LINGO1: variants seen among roughly 807,000 people sequenced by gnomAD.
LINGO1 encodes leucine rich repeat and Ig domain containing 1, also known as leucine-rich repeat and immunoglobulin-like domain-containing nogo receptor-interacting protein 1.
Under a neutral mutation model 37.3 loss-of-function variants are expected in LINGO1, and 11 were observed. The ratio of observed to expected loss-of-function variants is 0.29; its 90% CI spans 0.19 to 0.49. The LOEUF is 0.49. LINGO1 is among the 20% of genes least tolerant of loss of function. The pLI is 0.99. For synonymous variants in LINGO1, 387 were observed against 403.0 expected, an observed-to-expected ratio of 0.96 and a Z score of 0.48; for missense variants, 585 against 878.2, an observed-to-expected ratio of 0.67 and a Z score of 4.22.
intron 3 of LINGO1, among the ~76,000 whole-genome samples, chr15:77,664,219 G>A (rs1025916467): frequency 1.3e-5 from 2 of 151,866 alleles, no homozygotes; most frequent in South Asian, 2.1e-4. Context: ...CGGAGGGGTG[G>A]AAAGGGAGGA....
intron 1 of LINGO1, among the ~76,000 whole-genome samples, chr15:77,756,822 GT>G (rs1567566245): frequency 6.6e-6 from 1 of 152,148 alleles, no homozygotes; most frequent in Non-Finnish European, 1.5e-5. Flanking sequence ...GGCACTGAAT[GT>G]CCCCACGTAT....
At chr15:77,758,769 C>T (rs984515253) in intron 1 of LINGO1, among the ~76,000 whole-genome samples, 1 of 151,978 alleles carries the variant, frequency 6.6e-6, no homozygotes, top group Admixed American at 6.6e-5. Context: ...TCAGATGGGG[C>T]CACCATCTAT....
At chr15:77,745,299 G>A (rs1002712967) in intron 1 of LINGO1, among the ~76,000 whole-genome samples, 3 of 150,826 alleles carry the variant, frequency 2.0e-5, no homozygotes, top group Non-Finnish European at 4.4e-5. Context: ...GGTGGTGGGC[G>A]CTTGTAGTCC....
rs1555527601 is a variant in LINGO1, at chr15:77,664,174, C to CGCGCGCGCGCGCGCGT, written c.-13+12914_-13+12915insACGCGCGCGCGCGCGC. Among the ~76,000 whole-genome samples the CGCGCGCGCGCGCGCGT allele has an allele frequency of 2.9e-3, 291 of 100,442 alleles. 6 individuals carry two copies. Among genetic ancestry groups the CGCGCGCGCGCGCGCGT allele is most frequent in the African/African-American group, 9.5e-3 (260 of 27,260 alleles). The allele number at this position is 100,442 out of a possible 152,430, so 65.9% of individuals were successfully genotyped here. On this transcript the variant is annotated intron_variant, in intron 3 of 3. Transcript: ENST00000559893. Reference sequence around the variant, plus strand: ...GTGTGTGTGTGTGTGTGTGTGTGCGCGCGCGCATGCGTTTGCATTCTCAGC... The same window carrying CGCGCGCGCGCGCGCGT: ...GTGTGTGTGTGTGTGTGTGTGTGCGCGCGCGCGCGCGCGCGTGCGCGCATGCGTTTGCATTCTCAGC...
In LINGO1 at chr15:77,740,291, G is replaced by A. The variant is rs565352551; in HGVS notation, c.-256-5238C>T. Reference sequence around the variant, plus strand: ...ATGGGAAGGGTCTGCTCCCAGGAGTGTGCCATCCAATTAGAGCCTCTCCCC... The same window carrying A: ...ATGGGAAGGGTCTGCTCCCAGGAGTATGCCATCCAATTAGAGCCTCTCCCC... On this transcript the variant is annotated intron_variant, in intron 1 of 3. Transcript: ENST00000561686. Among the ~76,000 whole-genome samples the A allele has an allele frequency of 1.9e-3, 285 of 152,324 alleles. 1 individual carries two copies. The highest frequency in any genetic ancestry group is 6.2e-3 in the African/African-American group (256 of 41,576).
At chr15:77,760,916 C>CTT (rs34524098) in intron 1 of LINGO1, among the ~76,000 whole-genome samples, 8,092 of 95,970 alleles carry the variant, frequency 0.084, 1,411 homozygotes, top group African/African-American at 0.098. Flanking sequence ...TAATAAGTAT[C>CTT]TTTTTTTTTT....
intron 2 of LINGO1, among the ~76,000 whole-genome samples, chr15:77,713,447 T>C (rs983338825): frequency 6.6e-6 from 1 of 151,796 alleles, no homozygotes; most frequent in African/African-American, 2.4e-5. Context: ...GTAACACTCA[T>C]GAAATAACAA....
At chr15:77,811,065 A>G (rs1369149026) in intron 1 of LINGO1, among the ~76,000 whole-genome samples, 1 of 114,028 alleles carries the variant, frequency 8.8e-6, no homozygotes, top group Non-Finnish European at 1.8e-5. Context: ...CAAGCCCCCA[A>G]CACCCCCCCA....
At chr15:77,683,837 A>T (rs1596103541) in intron 2 of LINGO1, among the ~76,000 whole-genome samples, 1 of 650 alleles carries the variant, frequency 1.5e-3, no homozygotes, top group African/African-American at 7.0e-3. Context: ...CTTTTATGGT[A>T]AAAAAAAAAA....
chr15:77,748,909 C>CTCT (rs1248978105), intron 1 of LINGO1, among the ~76,000 whole-genome samples: 1,627 of 87,796 alleles, frequency 0.019, 63 homozygotes, highest in African/African-American at 0.065. Flanking sequence ...CCTTCCTTCT[C>CTCT]TTTTTTTTTT....
chr15:77,639,711 A>G (rs1243191355), intron 3 of LINGO1, among the ~76,000 whole-genome samples: 4 of 152,354 alleles, frequency 2.6e-5, no homozygotes, highest in Middle Eastern at 3.4e-3. Flanking sequence ...AGGAAAAAAC[A>G]TATGTACAAG....
intron 2 of LINGO1, among the ~76,000 whole-genome samples, chr15:77,733,392 CCA>C (rs2076172131): frequency 6.6e-6 from 1 of 152,274 alleles, no homozygotes; most frequent in South Asian, 2.1e-4. Flanking sequence ...GCTGCCTGGT[CCA>C]CACACACATC....
At chr15:77,753,524 C>G (rs2076391170) in intron 1 of LINGO1, among the ~76,000 whole-genome samples, 1 of 152,126 alleles carries the variant, frequency 6.6e-6, no homozygotes, top group South Asian at 2.1e-4. Flanking sequence ...GTCATGGAGA[C>G]AGAGGACTGG....
intron 1 of LINGO1, among the ~76,000 whole-genome samples, chr15:77,776,498 C>G (rs546487027): frequency 5.9e-4 from 36 of 61,032 alleles, no homozygotes; most frequent in African/African-American, 1.2e-3. Context: ...AGCAGGAAGG[C>G]AGGAAGGCAG....
At chr15:77,774,834 G>A (rs765313671) in intron 1 of LINGO1, among the ~76,000 whole-genome samples, 1 of 152,188 alleles carries the variant, frequency 6.6e-6, no homozygotes, top group Admixed American at 6.5e-5. Context: ...GTACAGAGAA[G>A]AGTGCCCAAA....
At chr15:77,645,924 C>T (rs1007589344) in intron 3 of LINGO1, among the ~76,000 whole-genome samples, 1 of 152,240 alleles carries the variant, frequency 6.6e-6, no homozygotes, top group Non-Finnish European at 1.5e-5. Flanking sequence ...CTGGGGGTGC[C>T]AGGTGGCCTC....
At chr15:77,748,168 C>T (rs542123286) in intron 1 of LINGO1, among the ~76,000 whole-genome samples, 6 of 152,346 alleles carry the variant, frequency 3.9e-5, no homozygotes, top group Non-Finnish European at 7.4e-5. Context: ...CGGGTGTGAA[C>T]ACCAGGACTA....
chr15:77,749,245 C>G (rs2076347403), intron 1 of LINGO1, among the ~76,000 whole-genome samples: 2 of 152,046 alleles, frequency 1.3e-5, no homozygotes, highest in Non-Finnish European at 2.9e-5. Flanking sequence ...AGAGAGAGGT[C>G]TGAGCCCAGC....
chr15:77,691,434 T>A (rs1371316265), intron 1 of LINGO1, among the ~76,000 whole-genome samples: 1 of 152,150 alleles, frequency 6.6e-6, no homozygotes, highest in Non-Finnish European at 1.5e-5. Flanking sequence ...TCCCATCATG[T>A]TCATCGCCAG....
Sources: allele counts gnomAD v4.1 joint callset (sites outside exome capture counted in the v4.1 genomes callset), GRCh38; gene constraint gnomAD v4.1.1; transcripts MANE v1.5; gene names NCBI Gene and HGNC (gene_info 2026-07-23, HGNC 2026-07-21).